Variants in NEMF observed in about 807,000 individuals in gnomAD.
NEMF encodes the protein nuclear export mediator factor, also known as ribosome quality control complex subunit NEMF.
In NEMF, 89 loss-of-function variants were observed where a neutral mutation model predicts 162.2. The observed-to-expected ratio is 0.55, with a 90% CI of 0.46 to 0.65. NEMF has a LOEUF of 0.65. Among genes scored for constraint, NEMF ranks in the 30% least tolerant of loss-of-function variants. The probability of loss-of-function intolerance (pLI) is 0.00; values close to 1 mark genes in which losing one functional copy is unlikely to be tolerated. For missense variants in NEMF, 1,133 were observed against 1,261.9 expected, an observed-to-expected ratio of 0.90 and a Z score of 1.55; for synonymous variants, 421 against 404.5, an observed-to-expected ratio of 1.04 and a Z score of -0.49.
chr14:49,827,331 T>C (rs779244679), intron 15 of NEMF, among the ~76,000 whole-genome samples: 1 of 152,022 alleles, frequency 6.6e-6, no homozygotes, highest in Admixed American at 6.5e-5. Context: ...GGATTACAGG[T>C]ACCCGCCATC....
At chr14:49,787,441 T>C (rs1279236780) in intron 28 of NEMF, among the ~76,000 whole-genome samples, 1 of 152,234 alleles carries the variant, frequency 6.6e-6, no homozygotes, top group East Asian at 1.9e-4. Flanking sequence ...ATCCCAGCAC[T>C]TTGGGAGGCC....
intron 16 of NEMF, among the ~76,000 whole-genome samples, chr14:49,824,956 T>G (rs1415926223): frequency 6.6e-6 from 1 of 152,152 alleles, no homozygotes; most frequent in Non-Finnish European, 1.5e-5. Context: ...GTCAAAAAGC[T>G]CCAGGAGAGA....
intron 3 of NEMF, among the ~76,000 whole-genome samples, chr14:49,850,735 G>C (rs1893731872): frequency 6.6e-6 from 1 of 151,888 alleles, no homozygotes; most frequent in Non-Finnish European, 1.5e-5. Flanking sequence ...ATACTGACTG[G>C]GTACAGAGGA....
At chr14:49,790,776 G>A (rs529350841) in intron 26 of NEMF, among the ~76,000 whole-genome samples, 1 of 152,148 alleles carries the variant, frequency 6.6e-6, no homozygotes, top group South Asian at 2.1e-4. Flanking sequence ...GATCACCTGA[G>A]GTCAGGAGTT....
chr14:49,802,774 A>G, intron 20 of NEMF, 47 bp from the exon 21 acceptor site: 2 of 1,482,766 alleles, frequency 1.3e-6, no homozygotes, highest in Non-Finnish European at 9.2e-7. Context: ...AGTCTTCTCC[A>G]TTTTTTGCTT....
intron 18 of NEMF, among the ~76,000 whole-genome samples, chr14:49,806,617 C>T (rs1340404782): frequency 6.7e-6 from 1 of 149,164 alleles, no homozygotes; most frequent in Non-Finnish European, 1.5e-5. Context: ...TAAAAAGTTA[C>T]TATTTTAATT....
intron 16 of NEMF, among the ~76,000 whole-genome samples, chr14:49,816,358 T>G (rs1891716472): frequency 6.6e-6 from 1 of 152,218 alleles, no homozygotes; most frequent in Non-Finnish European, 1.5e-5. Context: ...TGTTGGACCC[T>G]TATCAGGAGT....
Position 49,800,657 on chromosome 14 carries a change from T to C in NEMF, c.2135A>G (p.His712Arg). The change falls in exon 23 of 33, where the codon CAT (histidine) becomes CGT (arginine). Residue 712 changes from histidine to arginine, a missense_variant. His to Arg is a conservative substitution (Grantham distance 29). This residue lies in a region of NEMF where 532 missense variants were observed against 578.6 expected (regional missense o/e 0.92). Transcript: ENST00000298310. ...GAGTTCTACTTCCACAGGAGTTTCA[T>C]GTTCTTCTTTATCCTCATCACTGCT... ...DTSSDEDKEE[H>R]ETPVEVELMT... 3 of 1,614,064 alleles carry C rather than the reference T, an allele frequency of 1.9e-6. No homozygotes were observed. Among genetic ancestry groups the C allele is most frequent in the South Asian group, 1.1e-5 (1 of 91,078 alleles).
chr14:49,850,975 T>C (rs1469484397), intron 3 of NEMF, among the ~76,000 whole-genome samples: 1 of 152,100 alleles, frequency 6.6e-6, no homozygotes, highest in Non-Finnish European at 1.5e-5. Context: ...AGGCTGAGGC[T>C]GGCGGATCAC....
chr14:49,849,138 A>G (rs766903635), intron 3 of NEMF, among the ~76,000 whole-genome samples: 1 of 152,188 alleles, frequency 6.6e-6, no homozygotes, highest in Non-Finnish European at 1.5e-5. Flanking sequence ...AATGACCTAT[A>G]CTGATTTGAT....
chr14:49,841,446 T>C (rs927516666), intron 4 of NEMF, among the ~76,000 whole-genome samples: 4 of 151,334 alleles, frequency 2.6e-5, no homozygotes, highest in Non-Finnish European at 4.4e-5. Context: ...TGGTGGTGCA[T>C]GCCTGTAATC....
chr14:49,810,763 G>C (rs561162766), intron 18 of NEMF, among the ~76,000 whole-genome samples: 17 of 152,188 alleles, frequency 1.1e-4, no homozygotes, highest in Non-Finnish European at 2.4e-4. Flanking sequence ...GGTCAAAGTG[G>C]ATGGACTGCT....
chr14:49,788,856 C>A (rs1166613053), intron 28 of NEMF, among the ~76,000 whole-genome samples: 2 of 152,146 alleles, frequency 1.3e-5, no homozygotes, highest in African/African-American at 4.8e-5. Flanking sequence ...CGTGCCAGGC[C>A]TCTCTGTCTT....
intron 18 of NEMF, among the ~76,000 whole-genome samples, chr14:49,812,596 AT>A (rs1181477222): frequency 1.3e-5 from 2 of 152,036 alleles, no homozygotes; most frequent in African/African-American, 4.8e-5. Context: ...GACACACTGT[AT>A]TTTCATTTCG....
chr14:49,795,944 C>A lies in NEMF; in HGVS notation c.2466G>T (p.Arg822Ser), dbSNP rs1890674428. 1 of 1,583,772 alleles carries A rather than the reference C, an allele frequency of 6.3e-7. No individual in the cohort carries two copies. Among genetic ancestry groups the A allele is most frequent in the Admixed American group, 2.0e-5 (1 of 50,480 alleles). ...TTGGAAGTTTTTTCTTTTTCATTTC[C>A]CTGAATAAAAAAGACATGAAAACAT... ...SRRHLSAKER[R>S]EMKKKKLPSD... The change falls in exon 26 of 33, where the codon AGG becomes AGT. Residue 822 changes from arginine to serine, a missense_variant and splice_region_variant. By Grantham distance (110) the Arg-to-Ser change is moderately radical. This residue lies in a region of NEMF where 532 missense variants were observed against 578.6 expected (regional missense o/e 0.92). Coordinates refer to ENST00000298310, the MANE Select transcript of NEMF (RefSeq NM_004713.6).
chr14:49,833,504 T>C lies in NEMF; in HGVS notation c.662-8A>G, dbSNP rs200805484. Reference sequence around the variant, plus strand: ...CAAGTACTTTTTCAATATCTAATGGTGGGGGAAAAAAAGGAAAAAAGGAGT... The same window carrying C: ...CAAGTACTTTTTCAATATCTAATGGCGGGGGAAAAAAAGGAAAAAAGGAGT... On this transcript the variant is annotated splice_region_variant and splice_polypyrimidine_tract_variant and intron_variant, in intron 7 of 32. Coordinates refer to ENST00000298310, the MANE Select transcript of NEMF (RefSeq NM_004713.6). 6.5e-7 allele frequency: 1 copy of C among 1,548,546 alleles called. No homozygotes were observed. Among genetic ancestry groups the C allele is most frequent in the Admixed American group, 1.8e-5 (1 of 54,482 alleles).
intron 7 of NEMF, among the ~76,000 whole-genome samples, chr14:49,833,759 C>A (rs1892760404): frequency 6.6e-6 from 1 of 152,150 alleles, no homozygotes; most frequent in Non-Finnish European, 1.5e-5. Context: ...AAACTAAATT[C>A]CCATATTATT....
intron 4 of NEMF, 38 bp downstream of exon 4, chr14:49,846,102 G>T (rs773952624): frequency 6.3e-7 from 1 of 1,583,756 alleles, no homozygotes; most frequent in Non-Finnish European, 8.6e-7. Flanking sequence ...TGATTAATAA[G>T]AAATTTTCCT....
At chr14:49,828,893 G>A in intron 13 of NEMF, 86 bp from the exon 14 acceptor site, 1 of 1,298,082 alleles carries the variant, frequency 7.7e-7, no homozygotes, top group African/African-American at 1.5e-5. Context: ...ATTATAAATG[G>A]TTTACAGTAC....
Sources: allele counts gnomAD v4.1 joint callset (sites outside exome capture counted in the v4.1 genomes callset), GRCh38; gene constraint gnomAD v4.1.1; regional missense constraint gnomAD v4.1.1; transcripts MANE v1.5; gene names NCBI Gene and HGNC (gene_info 2026-07-23, HGNC 2026-07-21).